The following AMBP variants were observed in gnomAD, a reference collection of about 807,000 sequenced individuals.
The protein encoded by AMBP is alpha-1-microglobulin/bikunin precursor, also known as protein AMBP.
AMBP carries 37 observed loss-of-function variants against 46.3 expected under a neutral mutation model. The observed-to-expected ratio is 0.80, with a 90% CI of 0.61 to 1.05. AMBP has a LOEUF of 1.05. AMBP is among the 50% of genes least tolerant of loss of function. The pLI is 0.00. For synonymous variants in AMBP, 174 were observed against 175.9 expected (o/e 0.99, Z 0.09); for missense variants, 475 against 461.2 (o/e 1.03, Z -0.27).
intron 6 of AMBP, among the ~76,000 whole-genome samples, chr9:114,065,306 T>C (rs965565317): frequency 2.0e-5 from 3 of 152,156 alleles, no homozygotes; most frequent in Non-Finnish European, 2.9e-5. Context: ...GGTGTCCTTA[T>C]AAACGGGTGA....
chr9:114,074,669 T>C (rs1846785664), intron 3 of AMBP, among the ~76,000 whole-genome samples: 1 of 152,186 alleles, frequency 6.6e-6, no homozygotes, highest in African/African-American at 2.4e-5. Flanking sequence ...AGATGCTTAG[T>C]AAATTTTTAT....
chr9:114,072,963 C>T lies in AMBP; in HGVS notation c.518G>A (p.Gly173Asp). Residue 173 changes from glycine (G) to aspartate (D), a missense_variant, in exon 5 of 10, where the codon GGC becomes GAC. Physicochemically the swap from Gly to Asp is moderately conservative, Grantham distance 94. Around this residue, in one of 3 missense-constraint regions of AMBP, gnomAD observed 293 missense variants for 276.9 expected, o/e 1.06. Coordinates refer to ENST00000265132, the MANE Select transcript of AMBP (RefSeq NM_001633.4). ...GGTGAAGATGGAGTCCTCAGGGATG[C>T]CCACACCCTGGGCAACCACTCTGAA... Reference protein sequence around the residue: ...QDFRVVAQGVGIPEDSIFTMA... With the variant: ...QDFRVVAQGVDIPEDSIFTMA... The T allele has an allele frequency of 1.2e-6, 2 of 1,613,888 alleles. No homozygotes were observed. Among genetic ancestry groups the T allele is most frequent in the Non-Finnish European group, 1.7e-6 (2 of 1,179,854 alleles).
chr9:114,067,592 A>G (rs966616858), intron 6 of AMBP, among the ~76,000 whole-genome samples: 4 of 152,116 alleles, frequency 2.6e-5, no homozygotes, highest in African/African-American at 9.7e-5. Flanking sequence ...CAACATCAAG[A>G]CAGGTTTTGT....
Position 114,061,528 on chromosome 9 carries a change from T to G in AMBP, c.749A>C (p.Asn250Thr). Residue 250 changes from asparagine to threonine, a missense_variant, in exon 8 of 10, where the codon AAT becomes ACT. Asn to Thr is a moderately conservative substitution (Grantham distance 65). Around this residue, in one of 3 missense-constraint regions of AMBP, gnomAD observed 293 missense variants for 276.9 expected, o/e 1.06. Coordinates refer to ENST00000265132, the MANE Select transcript of AMBP (RefSeq NM_001633.4). The part of the protein sequence containing the change: ...CMGMTSRYFY[N>T]GTSMACETFQ... ...AGTCTCACAGGCCATGGATGTACCATTATAGAAATACCTGCTGGTCATTCC... is the reference window on the plus strand; with the variant it reads ...AGTCTCACAGGCCATGGATGTACCAGTATAGAAATACCTGCTGGTCATTCC... The G allele has an allele frequency of 6.2e-7, 1 of 1,613,912 alleles. No individual in the cohort carries two copies. The highest frequency in any genetic ancestry group is 1.1e-5 in the South Asian group (1 of 91,068).
Position 114,072,997 on chromosome 9 carries a change from G to A in AMBP, c.484C>T (p.Leu162=). The change falls in exon 5 of 10, where the codon CTG becomes TTG. Residue 162 remains leucine (L), a synonymous_variant. Coordinates refer to ENST00000265132, the MANE Select transcript of AMBP (RefSeq NM_001633.4). ...GRAPQLRETL[L]QDFRVVAQGV... ...TGGGCAACCACTCTGAAGTCCTGCA[G>A]GAGAGTTTCCCTCAGCTGCGGCGCC... 3 of 1,613,844 alleles carry A rather than the reference G, an allele frequency of 1.9e-6. No homozygotes were observed. Among genetic ancestry groups the A allele is most frequent in the Non-Finnish European group, 1.7e-6 (2 of 1,179,820 alleles).
chr9:114,069,759 C>T lies in AMBP; in HGVS notation c.557-14G>A, dbSNP rs772241700. 1 of 1,614,086 alleles carries T rather than the reference C, an allele frequency of 6.2e-7. No homozygotes were observed. Among genetic ancestry groups the T allele is most frequent in the South Asian group, 1.1e-5 (1 of 91,060 alleles). ...GGACACATTCACCTAGGTCACAGAG[C>T]AGGAGAGAGGAGTGAATAACAGGAC... On this transcript the variant is annotated splice_polypyrimidine_tract_variant and intron_variant, in intron 5 of 9. Transcript: ENST00000265132.
chr9:114,070,836 T>A (rs538191444), intron 5 of AMBP, among the ~76,000 whole-genome samples: 7 of 151,528 alleles, frequency 4.6e-5, no homozygotes, highest in African/African-American at 1.7e-4. Flanking sequence ...CACCCCACAT[T>A]GGGGTGACTG....
intron 5 of AMBP, chr9:114,070,045 A>G (rs1846728579): frequency 2.3e-5 from 9 of 394,706 alleles, no homozygotes; most frequent in South Asian, 1.4e-4. Flanking sequence ...GCACAGTGCT[A>G]TTGTACTTAA....
At position 114,076,693 on chromosome 9, in the gene AMBP, C is replaced by G; in HGVS notation, c.165G>C (p.Trp55Cys). The G allele has an allele frequency of 1.9e-6, 3 of 1,614,012 alleles. No individual in the cohort carries two copies. Among genetic ancestry groups the G allele is most frequent in the South Asian group, 2.2e-5 (2 of 91,076 alleles). The change falls in exon 2 of 10, where the codon TGG becomes TGC. Residue 55 changes from tryptophan (W) to cysteine (C), a missense_variant. Physicochemically the swap from Trp to Cys is radical, Grantham distance 215. Coordinates refer to ENST00000265132, the MANE Select transcript of AMBP (RefSeq NM_001633.4). ...TCATCCTGTCCATGATCTTCTTCAG[C>G]CAGGGGCAGGTGGAACCGATGGCCA... ...YNLAIGSTCP[W>C]LKKIMDRMTV...
rs188210487 is a variant in AMBP, at chr9:114,076,533, C to T, written c.260+65G>A. The T allele has an allele frequency of 5.3e-5, 84 of 1,578,478 alleles. 1 individual carries two copies. Among genetic ancestry groups the T allele is most frequent in the South Asian group, 1.3e-4 (11 of 86,100 alleles). On this transcript the variant is annotated intron_variant, in intron 2 of 9. Transcript: ENST00000265132. ...GAGATCTGCAACTTCCCAGGATGGA[C>T]GGGGCTGGGAAGGTTGTGGGTCTCT...
At chr9:114,062,988 A>G (rs1290271242) in intron 6 of AMBP, among the ~76,000 whole-genome samples, 5 of 152,176 alleles carry the variant, frequency 3.3e-5, no homozygotes, top group Admixed American at 6.5e-5. Context: ...ACCATGAGGT[A>G]TGACAATAGC....
At chr9:114,067,504 C>T (rs141910092) in intron 6 of AMBP, among the ~76,000 whole-genome samples, 2 of 152,218 alleles carry the variant, frequency 1.3e-5, no homozygotes, top group African/African-American at 4.8e-5. Context: ...GATCCTTCTG[C>T]CTCACCTTCC....
chr9:114,068,808 T>TAAAAAAAAAAAAA (rs34177397), intron 6 of AMBP, among the ~76,000 whole-genome samples: 2 of 97,132 alleles, frequency 2.1e-5, no homozygotes, highest in Non-Finnish European at 4.0e-5. Flanking sequence ...GTGGTGAGAT[T>TAAAAAAAAAAAAA]AAAAAAAAAA....
Position 114,062,690 on chromosome 9 carries a change from G to A in AMBP, c.672C>T (p.Val224=), listed in dbSNP as rs756674227. 8 of 1,613,698 alleles carry A rather than the reference G, an allele frequency of 5.0e-6. No homozygotes were observed. The South Asian group carries it at 5.5e-5, about 11-fold the overall frequency. Residue 224 remains valine (V), a synonymous_variant, in exon 7 of 10, where the codon GTC becomes GTT. Transcript: ENST00000265132. ...GGTGTTCATTACCTTCTTTCTTGGT[G>A]ACTTCAGTTACCAGTTGCCCACCCC... ...GSGGGQLVTE[V]TKKEDSCQLG...
chr9:114,077,487 G>C (rs1846826191), intron 1 of AMBP: 1 of 153,332 alleles, frequency 6.5e-6, no homozygotes, highest in Non-Finnish European at 1.5e-5. Context: ...AGGCAGCTCT[G>C]GCACTCCACA....
At chr9:114,064,584 A>G (rs1012443108) in intron 6 of AMBP, among the ~76,000 whole-genome samples, 1 of 152,196 alleles carries the variant, frequency 6.6e-6, no homozygotes, top group Non-Finnish European at 1.5e-5. Context: ...AAAGAAATAC[A>G]GATTTAGTTG....
Position 114,060,180 on chromosome 9 carries a change from C to T in AMBP, c.*59G>A, listed in dbSNP as rs1846618074. ...TTGGACCCAGGTTGCTTGGCGCTGC[C>T]TGCCACAGGACCCCGGGACAGACAC... On this transcript the variant is annotated 3_prime_UTR_variant, in exon 10 of 10. Coordinates refer to ENST00000265132, the MANE Select transcript of AMBP (RefSeq NM_001633.4). 1 of 1,566,702 alleles carries T rather than the reference C, an allele frequency of 6.4e-7. No homozygotes were observed. Among genetic ancestry groups the T allele is most frequent in the Non-Finnish European group, 8.7e-7 (1 of 1,153,498 alleles).
intron 5 of AMBP, 180 bp from the exon 6 acceptor site, chr9:114,069,925 G>A (rs1290454231): frequency 1.5e-5 from 9 of 611,852 alleles, no homozygotes; most frequent in Non-Finnish European, 2.6e-5. Context: ...GCAAGAGACT[G>A]GTGGCTGCAC....
intron 6 of AMBP, among the ~76,000 whole-genome samples, chr9:114,066,867 G>C (rs1326915466): frequency 6.6e-6 from 1 of 152,208 alleles, no homozygotes; most frequent in African/African-American, 2.4e-5. Context: ...TATCAAGAGA[G>C]ATTTCCCTCA....
Sources: allele counts gnomAD v4.1 joint callset (sites outside exome capture counted in the v4.1 genomes callset), GRCh38; gene constraint gnomAD v4.1.1; regional missense constraint gnomAD v4.1.1; transcripts MANE v1.5; gene names NCBI Gene and HGNC (gene_info 2026-07-23, HGNC 2026-07-21).